Variants in SGMS1 observed in about 807,000 individuals in gnomAD.
SGMS1 encodes the protein phosphatidylcholine:ceramide cholinephosphotransferase 1.
A neutral mutation model predicts 46.2 loss-of-function variants in SGMS1; 13 were observed. The ratio of observed to expected loss-of-function variants is 0.28; its 90% CI spans 0.18 to 0.45. The LOEUF is 0.45. Among genes scored for constraint, SGMS1 ranks in the 20% least tolerant of loss-of-function variants. The pLI is 1.00. For missense variants in SGMS1, 324 were observed against 519.9 expected (o/e 0.62, Z 3.66); for synonymous variants, 203 against 187.8 (o/e 1.08, Z -0.66).
chr10:50,560,373 ATT>A (rs1388975972), intron 2 of SGMS1, among the ~76,000 whole-genome samples: 1 of 138,328 alleles, frequency 7.2e-6, no homozygotes, highest in African/African-American at 2.6e-5. Context: ...CATATTATAT[ATT>A]ATATGCATAT....
upstream of SGMS1, chr10:50,624,886 C>A: frequency 1.0e-6 from 1 of 999,968 alleles, no homozygotes; most frequent in Non-Finnish European, 1.2e-6. Context: ...ACTTGGCGAG[C>A]GGGGGAAGGG....
intron 2 of SGMS1, among the ~76,000 whole-genome samples, chr10:50,546,168 A>G (rs1023772612): frequency 6.6e-6 from 1 of 152,052 alleles, no homozygotes; most frequent in African/African-American, 2.4e-5. Flanking sequence ...TTGGTTGGAC[A>G]ATGTGGGAGG....
At chr10:50,532,572 T>C (rs932511463) in intron 2 of SGMS1, among the ~76,000 whole-genome samples, 2 of 152,190 alleles carry the variant, frequency 1.3e-5, no homozygotes, top group Non-Finnish European at 2.9e-5. Context: ...TTTCTTAACA[T>C]GTTGTTTCTC....
intron 1 of SGMS1, among the ~76,000 whole-genome samples, chr10:50,604,623 A>C (rs552060108): frequency 6.6e-6 from 1 of 152,232 alleles, no homozygotes; most frequent in Non-Finnish European, 1.5e-5. Flanking sequence ...TATTCTTTGG[A>C]ATGGAGTATT....
At chr10:50,311,738 G>C (rs1387275732) in intron 8 of SGMS1, among the ~76,000 whole-genome samples, 1 of 152,136 alleles carries the variant, frequency 6.6e-6, no homozygotes, top group Admixed American at 6.5e-5. Context: ...CTGAATAATT[G>C]CTTTAGTATA....
intron 3 of SGMS1, among the ~76,000 whole-genome samples, chr10:50,492,171 AATAATAAGAGCC>A (rs1837573216): frequency 6.6e-6 from 1 of 152,248 alleles, no homozygotes; most frequent in Non-Finnish European, 1.5e-5. Flanking sequence ...CATACCTCAG[AATAATAAGAGCC>A]ATCTACAACA....
intron 6 of SGMS1, among the ~76,000 whole-genome samples, chr10:50,355,337 C>T (rs568398583): frequency 7.9e-5 from 12 of 152,380 alleles, no homozygotes; most frequent in African/African-American, 2.9e-4. Flanking sequence ...CGAGGCTGGA[C>T]TGTACTGCCG....
chr10:50,546,526 G>A (rs996265309), intron 2 of SGMS1, among the ~76,000 whole-genome samples: 1 of 152,156 alleles, frequency 6.6e-6, no homozygotes, highest in African/African-American at 2.4e-5. Flanking sequence ...TATACACCAT[G>A]GAATACTATG....
chr10:50,534,887 C>A (rs1837986105), intron 2 of SGMS1, among the ~76,000 whole-genome samples: 1 of 152,168 alleles, frequency 6.6e-6, no homozygotes, highest in African/African-American at 2.4e-5. Flanking sequence ...CAGTTTCCAG[C>A]TTATGGCATC....
intron 6 of SGMS1, among the ~76,000 whole-genome samples, chr10:50,397,503 A>G (rs1457231395): frequency 6.6e-6 from 1 of 152,156 alleles, no homozygotes; most frequent in Non-Finnish European, 1.5e-5. Flanking sequence ...TACACACACA[A>G]CTGATCACAG....
intron 6 of SGMS1, among the ~76,000 whole-genome samples, chr10:50,349,626 G>C (rs1432691669): frequency 1.3e-5 from 2 of 152,178 alleles, no homozygotes; most frequent in Non-Finnish European, 2.9e-5. Context: ...AGACCCAATA[G>C]GAGATAATTT....
chr10:50,523,167 T>A (rs1837871056), intron 2 of SGMS1, among the ~76,000 whole-genome samples: 1 of 152,190 alleles, frequency 6.6e-6, no homozygotes, highest in Non-Finnish European at 1.5e-5. Context: ...GTAGTCCTTT[T>A]TTCTAGTTGT....
At chr10:50,426,537 T>C (rs1042572753) in intron 6 of SGMS1, among the ~76,000 whole-genome samples, 1 of 152,260 alleles carries the variant, frequency 6.6e-6, no homozygotes, top group Non-Finnish European at 1.5e-5. Flanking sequence ...CCTTCCCTTG[T>C]CTAACTGAGG....
intron 2 of SGMS1, among the ~76,000 whole-genome samples, chr10:50,527,992 T>C (rs986058742): frequency 2.6e-5 from 4 of 152,198 alleles, no homozygotes; most frequent in South Asian, 2.1e-4. Context: ...AGAGTTTAGT[T>C]GTAGGACATG....
At chr10:50,486,468 G>GA (rs532349745) in intron 3 of SGMS1, among the ~76,000 whole-genome samples, 39 of 151,956 alleles carry the variant, frequency 2.6e-4, no homozygotes, top group Non-Finnish European at 4.9e-4. Context: ...AAATTCACAA[G>GA]AAAAAACAAA....
chr10:50,316,943 C>T (rs1420086022), intron 8 of SGMS1, among the ~76,000 whole-genome samples: 4 of 152,162 alleles, frequency 2.6e-5, no homozygotes, highest in Non-Finnish European at 4.4e-5. Flanking sequence ...CCCTCCTAAC[C>T]GTGACACTTA....
At chr10:50,357,450 T>C (rs1848173196) in intron 6 of SGMS1, among the ~76,000 whole-genome samples, 1 of 152,190 alleles carries the variant, frequency 6.6e-6, no homozygotes, top group Non-Finnish European at 1.5e-5. Context: ...GTTAACAATT[T>C]ACCATGCAAA....
chr10:50,557,641 T>C (rs1317265445), intron 2 of SGMS1, among the ~76,000 whole-genome samples: 1 of 137,312 alleles, frequency 7.3e-6, no homozygotes, highest in Admixed American at 7.3e-5. Flanking sequence ...TAGAACCTGA[T>C]ATAAAATCTG....
chr10:50,315,276 A>G (rs765798576), intron 8 of SGMS1, among the ~76,000 whole-genome samples: 5 of 152,238 alleles, frequency 3.3e-5, no homozygotes, highest in Non-Finnish European at 5.9e-5. Flanking sequence ...GAAAAAGTCT[A>G]GAATGTAACA....
Sources: allele counts gnomAD v4.1 joint callset (sites outside exome capture counted in the v4.1 genomes callset), GRCh38; gene constraint gnomAD v4.1.1; transcripts MANE v1.5; gene names NCBI Gene and HGNC (gene_info 2026-07-23, HGNC 2026-07-21).